The following ADGRL2 variants were observed in gnomAD, a reference collection of about 807,000 sequenced individuals.
The protein encoded by ADGRL2 is calcium-independent alpha-latrotoxin receptor 2.
ADGRL2 carries 44 observed loss-of-function variants against 157.4 expected under a neutral mutation model. The ratio of observed to expected loss-of-function variants is 0.28; its 90% CI spans 0.22 to 0.36. ADGRL2 has a LOEUF of 0.36. Ranked by LOEUF, ADGRL2 falls within the 10% of genes least tolerant of loss-of-function variation. ADGRL2 has a pLI of 1.00. For synonymous variants in ADGRL2, 585 were observed against 624.7 expected (o/e 0.94, Z 0.95); for missense variants, 1,510 against 1,768.9 (o/e 0.85, Z 2.63).
chr1:81,312,277 G>T (rs1659806895), intron 1 of ADGRL2, among the ~76,000 whole-genome samples: 1 of 152,198 alleles, frequency 6.6e-6, no homozygotes. Flanking sequence ...TTTTACCCGG[G>T]CGGACGCCAT....
At chr1:81,605,850 T>G (rs1281168937) in intron 3 of ADGRL2, among the ~76,000 whole-genome samples, 1 of 152,224 alleles carries the variant, frequency 6.6e-6, no homozygotes, top group African/African-American at 2.4e-5. Context: ...ATTTGAGACC[T>G]TATACATATT....
chr1:81,569,952 T>G (rs2080649224), intron 2 of ADGRL2, among the ~76,000 whole-genome samples: 1 of 152,160 alleles, frequency 6.6e-6, no homozygotes. Flanking sequence ...GTGCCTAAGT[T>G]TCTCCCTAGC....
At chr1:81,791,283 G>A (rs2149418636) in intron 2 of ADGRL2, among the ~76,000 whole-genome samples, 1 of 152,196 alleles carries the variant, frequency 6.6e-6, no homozygotes, top group Admixed American at 6.5e-5. Context: ...TTACAAAATT[G>A]TATTAGATTG....
intron 2 of ADGRL2, among the ~76,000 whole-genome samples, chr1:81,461,247 G>T (rs767210196): frequency 6.6e-6 from 1 of 152,016 alleles, no homozygotes; most frequent in Non-Finnish European, 1.5e-5. Context: ...ACTACCCACT[G>T]AGCAGTAAAA....
intron 2 of ADGRL2, among the ~76,000 whole-genome samples, chr1:81,459,488 T>C (rs923090516): frequency 6.6e-6 from 1 of 152,214 alleles, no homozygotes; most frequent in Non-Finnish European, 1.5e-5. Flanking sequence ...ATGTCACATA[T>C]TGCAGAGTTT....
intron 1 of ADGRL2, among the ~76,000 whole-genome samples, chr1:81,801,911 T>C (rs1317801970): frequency 6.6e-6 from 1 of 151,940 alleles, no homozygotes; most frequent in African/African-American, 2.4e-5. Flanking sequence ...TCTGGGGGTG[T>C]GTGCGTGTGT....
At chr1:81,771,272 GT>G (rs1265705002) in intron 2 of ADGRL2, among the ~76,000 whole-genome samples, 1 of 151,990 alleles carries the variant, frequency 6.6e-6, no homozygotes, top group Non-Finnish European at 1.5e-5. Flanking sequence ...TTTATCAAAT[GT>G]TTTCCCTACA....
chr1:81,513,314 G>A (rs963360807), intron 2 of ADGRL2, among the ~76,000 whole-genome samples: 1 of 152,078 alleles, frequency 6.6e-6, no homozygotes, highest in African/African-American at 2.4e-5. Context: ...AATAGACAAT[G>A]GGTGTTGTTT....
At chr1:81,881,478 A>C (rs576654488) in intron 2 of ADGRL2, among the ~76,000 whole-genome samples, 1 of 152,206 alleles carries the variant, frequency 6.6e-6, no homozygotes, top group Non-Finnish European at 1.5e-5. Flanking sequence ...GCCTGGTCGT[A>C]CTTCAAATAT....
At chr1:81,850,114 T>A (rs974805717) in intron 2 of ADGRL2, among the ~76,000 whole-genome samples, 1 of 151,978 alleles carries the variant, frequency 6.6e-6, no homozygotes. Flanking sequence ...AAAGCTACTT[T>A]AAACTTAATT....
At position 81,950,242 on chromosome 1, in the gene ADGRL2, A is replaced by G. The variant is rs1344754184; in HGVS notation, c.1264A>G (p.Ile422Val). 8 of 1,614,076 alleles carry G rather than the reference A, an allele frequency of 5.0e-6. No homozygotes were observed. The highest frequency in any genetic ancestry group is 1.6e-4 in the Middle Eastern group (1 of 6,062). ...TSSAELFKTI[I>V]STTSTTSQKG... is the part of the protein sequence containing the mutation. The stretch of plus-strand genomic sequence containing the variant: ...TTCAGCTGAGCTGTTCAAAACCATA[A>G]TATCAACCACAAGCACTACTTCACA... The change falls in exon 7 of 24, where the codon ATA (isoleucine) becomes GTA (valine). Residue 422 changes from isoleucine to valine, a missense_variant. Coordinates refer to ENST00000686636, the MANE Select transcript of ADGRL2 (RefSeq NM_001366006.2).
intron 2 of ADGRL2, among the ~76,000 whole-genome samples, chr1:81,478,646 A>G (rs564180777): frequency 1.3e-5 from 2 of 152,282 alleles, no homozygotes; most frequent in South Asian, 4.1e-4. Context: ...ATCGGCTACA[A>G]TTTGTAGTCG....
intron 3 of ADGRL2, among the ~76,000 whole-genome samples, chr1:81,640,053 C>G (rs2082188560): frequency 6.6e-6 from 1 of 152,148 alleles, no homozygotes; most frequent in Admixed American, 6.5e-5. Context: ...ATTTCAAACT[C>G]TTGGTATTAT....
chr1:81,921,126 A>T (rs2094968460), intron 3 of ADGRL2, among the ~76,000 whole-genome samples: 1 of 152,146 alleles, frequency 6.6e-6, no homozygotes, highest in Non-Finnish European at 1.5e-5. Flanking sequence ...CTGAAATGGA[A>T]AAGTTTAAGG....
intron 1 of ADGRL2, among the ~76,000 whole-genome samples, chr1:81,351,439 T>C (rs1205188046): frequency 1.3e-5 from 2 of 152,164 alleles, no homozygotes; most frequent in Non-Finnish European, 2.9e-5. Flanking sequence ...AATTTGATTC[T>C]AGAATCTCTT....
chr1:81,903,309 T>C (rs564404563), intron 2 of ADGRL2, among the ~76,000 whole-genome samples: 1 of 152,318 alleles, frequency 6.6e-6, no homozygotes, highest in Non-Finnish European at 1.5e-5. Flanking sequence ...TTGTGAACCT[T>C]TACAATAATT....
chr1:81,632,396 G>A (rs909286383), intron 3 of ADGRL2, among the ~76,000 whole-genome samples: 4 of 152,154 alleles, frequency 2.6e-5, no homozygotes, highest in Non-Finnish European at 4.4e-5. Context: ...CTGGAAGGAA[G>A]AAAATTTCAA....
chr1:81,460,102 T>C (rs1246718101), intron 2 of ADGRL2, among the ~76,000 whole-genome samples: 1 of 152,058 alleles, frequency 6.6e-6, no homozygotes, highest in Non-Finnish European at 1.5e-5. Context: ...ATTAGTGATG[T>C]TGAATATCTT....
chr1:81,595,354 T>A (rs1481159894), intron 3 of ADGRL2, among the ~76,000 whole-genome samples: 1 of 152,222 alleles, frequency 6.6e-6, no homozygotes, highest in Non-Finnish European at 1.5e-5. Context: ...TAATAACATT[T>A]AGAGAATTGA....
Sources: allele counts gnomAD v4.1 joint callset (sites outside exome capture counted in the v4.1 genomes callset), GRCh38; gene constraint gnomAD v4.1.1; transcripts MANE v1.5; gene names NCBI Gene and HGNC (gene_info 2026-07-23, HGNC 2026-07-21).